The following NT5C2 variants were observed in gnomAD, a reference collection of about 807,000 sequenced individuals.
NT5C2 encodes cytosolic purine 5'-nucleotidase.
In NT5C2, 58 loss-of-function variants were observed where a neutral mutation model predicts 76.1. That is an observed-to-expected ratio of 0.76 (90% CI 0.62 to 0.95). NT5C2 has a LOEUF of 0.95. NT5C2 is among the 40% of genes least tolerant of loss of function. NT5C2 has a pLI of 0.00. For missense variants in NT5C2, 478 were observed against 690.3 expected, an observed-to-expected ratio of 0.69 and a Z score of 3.45; for synonymous variants, 229 against 237.4, an observed-to-expected ratio of 0.96 and a Z score of 0.32.
chr10:103,157,854 C>T (rs1174855242), intron 3 of NT5C2, among the ~76,000 whole-genome samples: 6 of 152,126 alleles, frequency 3.9e-5, no homozygotes, highest in East Asian at 3.9e-4. Flanking sequence ...GCGGACAGAT[C>T]GTGAGGTCAA....
chr10:103,129,741 C>T (rs1465406397), intron 4 of NT5C2, among the ~76,000 whole-genome samples: 2 of 98,344 alleles, frequency 2.0e-5, no homozygotes, highest in African/African-American at 3.9e-5. Context: ...CCGCCCCGTC[C>T]GGGAGGGAGG....
In NT5C2 at chr10:103,093,114, C is replaced by T. The variant is rs546116359; in HGVS notation, c.1159+25G>A. 2.2e-5 allele frequency: 33 copies of T among 1,527,444 alleles called. No individual in the cohort carries two copies. The East Asian group carries it at 3.8e-4, about 17-fold the overall frequency. 94.6% of individuals were successfully genotyped at this position (1,527,444 alleles called of 1,614,324 possible). On this transcript the variant is annotated intron_variant, in intron 15 of 18. Coordinates refer to ENST00000404739, the MANE Select transcript of NT5C2 (RefSeq NM_001351169.2). ...AAGCTGGTCATTTAGATATAAATTA[C>T]ACCAAAGATTTATGAATGGCTTACA...
At chr10:103,177,558 G>T (rs2090230549) in intron 2 of NT5C2, among the ~76,000 whole-genome samples, 1 of 152,078 alleles carries the variant, frequency 6.6e-6, no homozygotes, top group Admixed American at 6.6e-5. Context: ...GGGTCTCACT[G>T]TTGCCCAGGC....
intron 4 of NT5C2, 97 bp from the exon 5 acceptor site, chr10:103,106,803 C>A: frequency 1.3e-6 from 1 of 793,276 alleles, no homozygotes; most frequent in Non-Finnish European, 2.2e-6. Context: ...AGTTCTTCCC[C>A]CCTCCTAATT....
intron 2 of NT5C2, among the ~76,000 whole-genome samples, chr10:103,177,444 TGAA>T (rs1425310218): frequency 6.6e-6 from 1 of 152,236 alleles, no homozygotes; most frequent in East Asian, 1.9e-4. Flanking sequence ...GCATTATTTG[TGAA>T]AACATCTGTA....
intron 1 of NT5C2, among the ~76,000 whole-genome samples, 154 bp downstream of exon 1, chr10:103,193,082 G>C (rs1270524070): frequency 1.3e-5 from 2 of 151,212 alleles, no homozygotes; most frequent in African/African-American, 2.4e-5. Flanking sequence ...TCGGCCTAAG[G>C]AGAGGGGCCT....
At chr10:103,190,560 T>G (rs1424973202) in intron 1 of NT5C2, among the ~76,000 whole-genome samples, 1 of 152,178 alleles carries the variant, frequency 6.6e-6, no homozygotes, top group Non-Finnish European at 1.5e-5. Flanking sequence ...CTCTGTAAAA[T>G]TTGTTCTATT....
chr10:103,121,464 T>C (rs895504921), intron 4 of NT5C2, among the ~76,000 whole-genome samples: 8 of 152,142 alleles, frequency 5.3e-5, no homozygotes, highest in Middle Eastern at 3.2e-3. Context: ...ATGAGGGCCC[T>C]GGACTCTAGT....
intron 4 of NT5C2, among the ~76,000 whole-genome samples, chr10:103,133,043 T>C (rs1450512975): frequency 1.3e-5 from 2 of 152,178 alleles, no homozygotes; most frequent in African/African-American, 2.4e-5. Context: ...TTTGCACGTG[T>C]TGTGGGAGGG....
chr10:103,090,931 G>T lies in NT5C2; in HGVS notation c.1272+5C>A. On this transcript the variant is annotated splice_donor_5th_base_variant and intron_variant, in intron 17 of 18. Transcript: ENST00000404739. ...CAAGTTTTCTCCCAAATCCCATTTGGATACCTTAATACGTCTCTGGATGGA... is the reference window on the plus strand; with the variant it reads ...CAAGTTTTCTCCCAAATCCCATTTGTATACCTTAATACGTCTCTGGATGGA... The T allele has an allele frequency of 1.2e-6, 2 of 1,613,332 alleles. No homozygotes were observed. Among genetic ancestry groups the T allele is most frequent in the Non-Finnish European group, 1.7e-6 (2 of 1,179,442 alleles).
chr10:103,124,800 G>A (rs2076362677), intron 4 of NT5C2, among the ~76,000 whole-genome samples: 1 of 151,490 alleles, frequency 6.6e-6, no homozygotes, highest in Admixed American at 6.6e-5. Flanking sequence ...ATAACCTCTA[G>A]AGTAAGGATA....
intron 4 of NT5C2, among the ~76,000 whole-genome samples, chr10:103,116,894 C>T (rs990346332): frequency 7.9e-5 from 12 of 152,122 alleles, no homozygotes; most frequent in Non-Finnish European, 1.6e-4. Flanking sequence ...TGTAACTATA[C>T]TATGTTGTCA....
chr10:103,174,745 G>A, intron 3 of NT5C2, 113 bp downstream of exon 3: 1 of 750,468 alleles, frequency 1.3e-6, no homozygotes, highest in South Asian at 1.5e-5. Flanking sequence ...CCATGTACTA[G>A]ACATACGATC....
intron 4 of NT5C2, among the ~76,000 whole-genome samples, chr10:103,116,566 AT>A (rs1055770631): frequency 2.8e-5 from 4 of 142,306 alleles, no homozygotes; most frequent in Non-Finnish European, 4.6e-5. Context: ...GCTGCTTCAG[AT>A]TTTTTTCTTT....
At chr10:103,179,766 A>T (rs1448169214) in intron 2 of NT5C2, among the ~76,000 whole-genome samples, 3 of 152,214 alleles carry the variant, frequency 2.0e-5, no homozygotes, top group Non-Finnish European at 4.4e-5. Flanking sequence ...ACATCATATT[A>T]ATCTGTTTTG....
Position 103,091,012 on chromosome 10 carries a change from A to AAACTC in NT5C2, c.1212-21_1212-17dup. 6.2e-7 allele frequency: 1 copy of AAACTC among 1,609,694 alleles called. No homozygotes were observed. Among genetic ancestry groups the AAACTC allele is most frequent in the East Asian group, 2.2e-5 (1 of 44,860 alleles). On this transcript the variant is annotated splice_polypyrimidine_tract_variant and intron_variant, in intron 16 of 18. Transcript: ENST00000404739. Reference sequence around the variant, plus strand: ...GTCAAGATGCCTAAAGATAAAAGAAAAACTCAGTGAAAATCTCTGGGAAGA... The same window carrying AAACTC: ...GTCAAGATGCCTAAAGATAAAAGAAAAACTCAACTCAGTGAAAATCTCTGGGAAGA...
At chr10:103,126,235 G>T (rs1409364510) in intron 4 of NT5C2, among the ~76,000 whole-genome samples, 3 of 152,150 alleles carry the variant, frequency 2.0e-5, no homozygotes, top group South Asian at 4.1e-4. Flanking sequence ...AATGCAAAGG[G>T]CCAAATCCTG....
At position 103,089,826 on chromosome 10, in the gene NT5C2, G is replaced by A; in HGVS notation, c.1532C>T (p.Ser511Leu). 6.2e-7 allele frequency: 1 copy of A among 1,614,110 alleles called. No individual in the cohort carries two copies. Among genetic ancestry groups the A allele is most frequent in the Non-Finnish European group, 8.5e-7 (1 of 1,180,014 alleles). Reference sequence around the variant, plus strand: ...GTAGTCAGTGTCTTTGAAATCCACTGATGTGCGGTTCCGGGTGGCAAGAGG... The same window carrying A: ...GTAGTCAGTGTCTTTGAAATCCACTAATGTGCGGTTCCGGGTGGCAAGAGG... Reference protein sequence around the residue: ...ESPLATRNRTSVDFKDTDYKR... With the variant: ...ESPLATRNRTLVDFKDTDYKR... The change falls in exon 19 of 19, where the codon TCA (serine) becomes TTA (leucine). Residue 511 changes from serine (S) to leucine (L), a missense_variant. Physicochemically the swap from Ser to Leu is moderately radical, Grantham distance 145. Coordinates refer to ENST00000404739, the MANE Select transcript of NT5C2 (RefSeq NM_001351169.2).
chr10:103,174,784 T>C lies in NT5C2; in HGVS notation c.101+74A>G, dbSNP rs113062477. ...GTTATTTACTTAACCTCTCTGTACATTAATTTCATCATCTGTAAAATGAAG... is the reference window on the plus strand; with the variant it reads ...GTTATTTACTTAACCTCTCTGTACACTAATTTCATCATCTGTAAAATGAAG... On this transcript the variant is annotated intron_variant, in intron 3 of 18. Coordinates refer to ENST00000404739, the MANE Select transcript of NT5C2 (RefSeq NM_001351169.2). The C allele has an allele frequency of 7.3e-6, 7 of 963,514 alleles. No homozygotes were observed. The South Asian group carries it at 8.9e-5, about 12-fold the overall frequency. The allele number at this position is 963,514 out of a possible 1,614,324, so 59.7% of individuals were successfully genotyped here. A position where few individuals can be genotyped will look rare whatever the true frequency, so the allele number is the denominator to read the frequency against.
Sources: allele counts gnomAD v4.1 joint callset (sites outside exome capture counted in the v4.1 genomes callset), GRCh38; gene constraint gnomAD v4.1.1; transcripts MANE v1.5; gene names NCBI Gene and HGNC (gene_info 2026-07-23, HGNC 2026-07-21).